The following ARHGAP8 variants were observed in gnomAD, a reference collection of about 807,000 sequenced individuals.
ARHGAP8 encodes rho GTPase-activating protein 8.
In ARHGAP8, 62 loss-of-function variants were observed where a neutral mutation model predicts 46.1. The observed-to-expected ratio is 1.34, with a 90% CI of 1.10 to 1.66. The LOEUF (loss-of-function observed/expected upper bound fraction) is 1.66, where lower values mean the gene tolerates loss of function less well. Ranked by LOEUF, ARHGAP8 falls within the 40% of genes most tolerant of loss-of-function variation. The probability of loss-of-function intolerance (pLI) is 0.00; values close to 1 mark genes in which losing one functional copy is unlikely to be tolerated. For synonymous variants in ARHGAP8, 375 were observed against 243.1 expected (o/e 1.54, Z -5.05); for missense variants, 923 against 568.4 (o/e 1.62, Z -6.34).
At chr22:44,754,897 A>G (rs1342945770) in intron 1 of ARHGAP8, among the ~76,000 whole-genome samples, 1 of 152,138 alleles carries the variant, frequency 6.6e-6, no homozygotes, top group African/African-American at 2.4e-5. Context: ...TTTCACTGAT[A>G]GGGAAACTGA....
intron 1 of ARHGAP8, among the ~76,000 whole-genome samples, chr22:44,775,070 G>C (rs1926325050): frequency 6.6e-6 from 1 of 152,158 alleles, no homozygotes; most frequent in Non-Finnish European, 1.5e-5. Flanking sequence ...GACTTCAGTT[G>C]ATCCACCTGC....
chr22:44,767,095 T>C (rs191681202), intron 1 of ARHGAP8, among the ~76,000 whole-genome samples: 1 of 152,308 alleles, frequency 6.6e-6, no homozygotes, highest in East Asian at 1.9e-4. Flanking sequence ...CTTGAATAAG[T>C]GTCTGCCCTT....
intron 7 of ARHGAP8, among the ~76,000 whole-genome samples, chr22:44,834,497 T>C (rs949049043): frequency 1.3e-5 from 2 of 152,168 alleles, no homozygotes; most frequent in Non-Finnish European, 1.5e-5. Flanking sequence ...TTCTTTCAGA[T>C]GTATGGAGGC....
At chr22:44,796,311 G>T (rs1428008625) in intron 2 of ARHGAP8, among the ~76,000 whole-genome samples, 1 of 152,170 alleles carries the variant, frequency 6.6e-6, no homozygotes, top group East Asian at 1.9e-4. Flanking sequence ...GTGGGTGGAG[G>T]CCCCCACAGT....
chr22:44,785,801 T>C (rs1453246165), intron 1 of ARHGAP8, among the ~76,000 whole-genome samples: 4 of 152,204 alleles, frequency 2.6e-5, no homozygotes, highest in African/African-American at 9.6e-5. Flanking sequence ...CAGCCTTTTC[T>C]TTCTTCCTCA....
chr22:44,779,720 C>T (rs1926702529), intron 1 of ARHGAP8, among the ~76,000 whole-genome samples: 1 of 151,666 alleles, frequency 6.6e-6, no homozygotes, highest in South Asian at 2.1e-4. Context: ...AGCCATGGGC[C>T]ACCACGCCCA....
chr22:44,790,650 TG>T (rs1927598460), intron 2 of ARHGAP8, among the ~76,000 whole-genome samples: 1 of 110,330 alleles, frequency 9.1e-6, no homozygotes, highest in South Asian at 3.3e-4. Flanking sequence ...CACTCCAGCC[TG>T]GACAACAAGA....
intron 7 of ARHGAP8, among the ~76,000 whole-genome samples, chr22:44,839,182 C>T (rs777788223): frequency 2.6e-5 from 4 of 152,130 alleles, no homozygotes; most frequent in Non-Finnish European, 2.9e-5. Context: ...CCCCAGGACG[C>T]CTTCTCCCTC....
chr22:44,767,260 A>T (rs1326566284), intron 1 of ARHGAP8, among the ~76,000 whole-genome samples: 1 of 152,056 alleles, frequency 6.6e-6, no homozygotes, highest in African/African-American at 2.4e-5. Context: ...CATTTCAGAA[A>T]TATTGCTGAG....
chr22:44,799,682 C>G (rs1444127868), intron 2 of ARHGAP8, among the ~76,000 whole-genome samples: 1 of 152,142 alleles, frequency 6.6e-6, no homozygotes, highest in Non-Finnish European at 1.5e-5. Context: ...GCACATGTGC[C>G]TCAGGCTGTT....
In ARHGAP8 at chr22:44,862,449, G is replaced by A; in HGVS notation, c.1156G>A (p.Ala386Thr). 6.2e-7 allele frequency: 1 copy of A among 1,614,056 alleles called. No individual in the cohort carries two copies. Among genetic ancestry groups the A allele is most frequent in the South Asian group, 1.1e-5 (1 of 91,072 alleles). Reference sequence around the variant, plus strand: ...TGAAAAGATCTTCAGCACCCCGGAGGCACCTGGGGAGCACGGCCTGGCACC... The same window carrying A: ...TGAAAAGATCTTCAGCACCCCGGAGACACCTGGGGAGCACGGCCTGGCACC... ...YYEKIFSTPEAPGEHGLAPWE... is the reference protein window; with the variant it reads ...YYEKIFSTPETPGEHGLAPWE... The change falls in exon 12 of 12, where the codon GCA (alanine) becomes ACA (threonine). Residue 386 changes from alanine to threonine, a missense_variant. Transcript: ENST00000356099.
intron 1 of ARHGAP8, among the ~76,000 whole-genome samples, chr22:44,774,412 A>C (rs576433125): frequency 3.9e-5 from 6 of 152,320 alleles, no homozygotes; most frequent in Admixed American, 3.3e-4. Flanking sequence ...TAAGTTATCC[A>C]ATCAACAACA....
At chr22:44,776,750 C>T (rs1031098903) in intron 1 of ARHGAP8, among the ~76,000 whole-genome samples, 38 of 152,244 alleles carry the variant, frequency 2.5e-4, no homozygotes, top group Admixed American at 9.2e-4. Context: ...CAGCGGGTGG[C>T]GTCAGAGCAG....
At chr22:44,833,411 C>T (rs568737420) in intron 7 of ARHGAP8, among the ~76,000 whole-genome samples, 12 of 152,048 alleles carry the variant, frequency 7.9e-5, no homozygotes, top group South Asian at 6.2e-4. Flanking sequence ...TGCTTTTCAT[C>T]GCCATTGAGA....
At chr22:44,759,447 C>T (rs778857157) in intron 1 of ARHGAP8, among the ~76,000 whole-genome samples, 3 of 152,148 alleles carry the variant, frequency 2.0e-5, no homozygotes, top group Admixed American at 1.3e-4. Context: ...AACTCTGAAC[C>T]GGCCCAAAGT....
intron 5 of ARHGAP8, among the ~76,000 whole-genome samples, chr22:44,822,044 G>C (rs954469169): frequency 2.6e-5 from 4 of 152,208 alleles, no homozygotes; most frequent in African/African-American, 9.7e-5. Flanking sequence ...TGTCTAGCCT[G>C]CATCCCCCAA....
intron 1 of ARHGAP8, among the ~76,000 whole-genome samples, chr22:44,754,050 G>T (rs1397041976): frequency 6.6e-6 from 1 of 152,164 alleles, no homozygotes; most frequent in Admixed American, 6.5e-5. Flanking sequence ...TGGGATGTGG[G>T]CCTGAGCCCA....
chr22:44,839,920 G>A (rs914596002), intron 7 of ARHGAP8, among the ~76,000 whole-genome samples: 2 of 152,238 alleles, frequency 1.3e-5, no homozygotes, highest in Non-Finnish European at 2.9e-5. Flanking sequence ...GCACGTGGTG[G>A]TGTCCAGCTG....
chr22:44,818,702 T>TCAC, intron 5 of ARHGAP8, among the ~76,000 whole-genome samples: 1 of 130,962 alleles, frequency 7.6e-6, no homozygotes, highest in African/African-American at 3.3e-5. Flanking sequence ...CTTCCTTCCT[T>TCAC]TTCTCTTTTT....
Sources: gnomAD v4.1 joint callset for allele counts (sites outside exome capture counted in the v4.1 genomes callset) on GRCh38, gnomAD v4.1.1 for gene constraint, MANE v1.5 for transcripts, NCBI Gene and HGNC (gene_info 2026-07-23, HGNC 2026-07-21) for gene names.